Variants in SETD1B observed in about 807,000 individuals in gnomAD.
SETD1B encodes the protein histone-lysine N-methyltransferase SETD1B.
SETD1B carries 7 observed loss-of-function variants against 148.0 expected under a neutral mutation model. The ratio of observed to expected loss-of-function variants is 0.05; its 90% CI spans 0.03 to 0.09. The LOEUF (loss-of-function observed/expected upper bound fraction) is 0.09, where lower values mean the gene tolerates loss of function less well. Ranked by LOEUF, SETD1B falls within the 10% of genes least tolerant of loss-of-function variation. SETD1B has a pLI of 1.00. For synonymous variants in SETD1B, 1,361 were observed against 1,186.5 expected (o/e 1.15, Z -3.02); for missense variants, 2,155 against 2,729.9 (o/e 0.79, Z 4.69).
At chr12:121,793,489 G>T in the SETD1B span, 5 of 1,540,962 alleles carry the variant, frequency 3.2e-6, no homozygotes, top group Admixed American at 9.8e-5. Flanking sequence ...CCCGCTGCGG[G>T]CCTCACCTCG....
Position 121,817,239 on chromosome 12 carries a change from A to G in SETD1B, c.2922A>G (p.Ser974=). Residue 974 remains serine (S), a synonymous_variant, in exon 8 of 17, where the codon TCA becomes TCG. Coordinates refer to ENST00000604567, the MANE Select transcript of SETD1B (RefSeq NM_001353345.2). The surrounding 1 kb of genome is among the most constrained non-coding windows in gnomAD (Gnocchi z 8.1). The part of the protein sequence containing the change: ...VKRKEPPDTT[S]SGDQKRLRPS... ...GGAAGGAGCCACCAGACACCACCTCATCTGGCGACCAGAAGCGGCTGCGGC... is the reference window on the plus strand; with the variant it reads ...GGAAGGAGCCACCAGACACCACCTCGTCTGGCGACCAGAAGCGGCTGCGGC... The G allele has an allele frequency of 6.4e-7, 1 of 1,551,040 alleles. No individual in the cohort carries two copies. The highest frequency in any genetic ancestry group is 8.7e-7 in the Non-Finnish European group (1 of 1,146,930).
At position 121,817,491 on chromosome 12, in the gene SETD1B, G is replaced by A; in HGVS notation, c.3099G>A (p.Gly1033=). The change falls in exon 9 of 17, where the codon GGG becomes GGA. Residue 1033 remains glycine (G), a synonymous_variant. Coordinates refer to ENST00000604567, the MANE Select transcript of SETD1B (RefSeq NM_001353345.2). This position sits in a 1 kb window ranked among gnomAD's most constrained non-coding sequence, Gnocchi z 8.1. ...GGCCTCTGGAGCTGGACAGTGGTGG[G>A]GAGGAGGACGAGAAGGAGTCATTGT... ...PARPLELDSG[G]EEDEKESLSA... 6.4e-7 allele frequency: 1 copy of A among 1,551,178 alleles called. No homozygotes were observed. Among genetic ancestry groups the A allele is most frequent in the South Asian group, 1.2e-5 (1 of 84,060 alleles).
intron 13 of SETD1B, among the ~76,000 whole-genome samples, chr12:121,827,205 G>A (rs982138279): frequency 3.3e-5 from 5 of 152,024 alleles, no homozygotes; most frequent in African/African-American, 1.2e-4. Context: ...GATTTTGAAC[G>A]CTTGTGGGGT....
Position 121,830,333 on chromosome 12 carries a change from C to T in SETD1B, c.*94C>T. 1 of 1,275,904 alleles carries T rather than the reference C, an allele frequency of 7.8e-7. No individual in the cohort carries two copies. Among genetic ancestry groups the T allele is most frequent in the East Asian group, 2.5e-5 (1 of 39,312 alleles). 79.0% of individuals were successfully genotyped at this position (1,275,904 alleles called of 1,614,324 possible). A position where few individuals can be genotyped will look rare whatever the true frequency, so the allele number is the denominator to read the frequency against. ...CGGGGCCCGGCCCCCCGCGCCCGCC[C>T]CCATTTCAGGTGCTGTCCTCTACCC... is the stretch of plus-strand genomic sequence containing the variant. On this transcript the variant is annotated 3_prime_UTR_variant, in exon 17 of 17. Coordinates refer to ENST00000604567, the MANE Select transcript of SETD1B (RefSeq NM_001353345.2). The surrounding 1 kb of genome is among the most constrained non-coding windows in gnomAD (Gnocchi z 5.7).
chr12:121,794,796 G>A, the SETD1B span, among the ~76,000 whole-genome samples: 11 of 152,196 alleles, frequency 7.2e-5, 1 homozygote, highest in East Asian at 1.7e-3. Context: ...CCCTGGAGCC[G>A]GTCCACGGCA....
Position 121,823,597 on chromosome 12 carries a change from C to G in SETD1B, c.5018C>G (p.Ser1673Trp). 6.4e-7 allele frequency: 1 copy of G among 1,551,486 alleles called. No individual in the cohort carries two copies. The highest frequency in any genetic ancestry group is 8.7e-7 in the Non-Finnish European group (1 of 1,146,996). Residue 1673 changes from serine to tryptophan, a missense_variant, in exon 12 of 17, where the codon TCG (serine) becomes TGG (tryptophan). By Grantham distance (177) the Ser-to-Trp change is radical. This residue lies in a region of SETD1B where 862 missense variants were observed against 873.8 expected (regional missense o/e 0.99). Coordinates refer to ENST00000604567, the MANE Select transcript of SETD1B (RefSeq NM_001353345.2). ...CCCCAGCCCCTCTTCCGGCCCCGCTCGGAGTTTGAGGAGATGACCATCCTG... is the reference window on the plus strand; with the variant it reads ...CCCCAGCCCCTCTTCCGGCCCCGCTGGGAGTTTGAGGAGATGACCATCCTG... ...SPPQPLFRPR[S>W]EFEEMTILYD...
At position 121,830,359 on chromosome 12, in the gene SETD1B, A is replaced by G; in HGVS notation, c.*120A>G. The G allele has an allele frequency of 9.9e-7, 1 of 1,012,934 alleles. No homozygotes were observed. Among genetic ancestry groups the G allele is most frequent in the Non-Finnish European group, 1.4e-6 (1 of 715,650 alleles). 62.7% of individuals were successfully genotyped at this position (1,012,934 alleles called of 1,614,324 possible). A position where few individuals can be genotyped will look rare whatever the true frequency, so the allele number is the denominator to read the frequency against. On this transcript the variant is annotated 3_prime_UTR_variant, in exon 17 of 17. Transcript: ENST00000604567. This position sits in a 1 kb window ranked among gnomAD's most constrained non-coding sequence, Gnocchi z 5.7. ...CCATTTCAGGTGCTGTCCTCTACCC[A>G]GCGGCCATTCAGGGCCTGGCGCCCC...
In SETD1B at chr12:121,830,330, GC is replaced by G; in HGVS notation, c.*96del. The G allele has an allele frequency of 1.5e-6, 2 of 1,295,852 alleles. No individual in the cohort carries two copies. 80.3% of individuals were successfully genotyped at this position (1,295,852 alleles called of 1,614,324 possible). ...CCCCGGGGCCCGGCCCCCCGCGCCCGCCCCCATTTCAGGTGCTGTCCTCTAC... is the reference window on the plus strand; with the variant it reads ...CCCCGGGGCCCGGCCCCCCGCGCCCGCCCCATTTCAGGTGCTGTCCTCTAC... On this transcript the variant is annotated 3_prime_UTR_variant, in exon 17 of 17. Coordinates refer to ENST00000604567, the MANE Select transcript of SETD1B (RefSeq NM_001353345.2). This position sits in a 1 kb window ranked among gnomAD's most constrained non-coding sequence, Gnocchi z 5.7.
At chr12:121,811,447 G>A (rs1182701744) in intron 6 of SETD1B, among the ~76,000 whole-genome samples, 1 of 151,774 alleles carries the variant, frequency 6.6e-6, no homozygotes, top group Non-Finnish European at 1.5e-5. Flanking sequence ...GGGTGGGGGT[G>A]GGGTGCCATG....
rs978887912 is a variant in SETD1B at position 121,804,080 on chromosome 12, A to AGCGGCG, written c.-162_-157dup. On this transcript the variant is annotated 5_prime_UTR_variant, in exon 1 of 17. Coordinates refer to ENST00000604567, the MANE Select transcript of SETD1B (RefSeq NM_001353345.2). The surrounding 1 kb of genome is among the most constrained non-coding windows in gnomAD (Gnocchi z 4.6). ...CCGCCTCCCGGGCAGCAGCAGCAGC[A>AGCGGCG]GCGGCGGCGGCAGCGGCAGCAGCTC... The AGCGGCG allele has an allele frequency of 2.6e-5, 4 of 152,822 alleles. No individual in the cohort carries two copies. Among genetic ancestry groups the AGCGGCG allele is most frequent in the East Asian group, 1.9e-4 (1 of 5,186 alleles). The allele number at this position is 152,822 out of a possible 1,614,324, so 9.5% of individuals were successfully genotyped here. A position where few individuals can be genotyped will look rare whatever the true frequency, so the allele number is the denominator to read the frequency against.
intron 4 of SETD1B, among the ~76,000 whole-genome samples, chr12:121,807,674 A>G (rs950550057): frequency 6.6e-6 from 1 of 152,156 alleles, no homozygotes; most frequent in African/African-American, 2.4e-5. Flanking sequence ...TTCAAGCCCA[A>G]GGTAGTCCCC....
At chr12:121,791,626 C>T in the SETD1B span, among the ~76,000 whole-genome samples, 1 of 152,210 alleles carries the variant, frequency 6.6e-6, no homozygotes, top group Non-Finnish European at 1.5e-5. Flanking sequence ...TTGCAGCTTT[C>T]CAGAATCTCC....
chr12:121,798,855 C>T, the SETD1B span, among the ~76,000 whole-genome samples: 4 of 152,338 alleles, frequency 2.6e-5, no homozygotes, highest in East Asian at 7.7e-4. Context: ...TTCTTAGACA[C>T]TGAGATGGGA....
upstream of SETD1B, chr12:121,803,605 C>T (rs1019500016): frequency 2.6e-5 from 4 of 152,230 alleles, no homozygotes; most frequent in Admixed American, 2.6e-4. This position sits in a 1 kb window ranked among gnomAD's most constrained non-coding sequence, Gnocchi z 4.7. Context: ...CTCGGCCCCC[C>T]AGACCCCAGC....
the SETD1B span, chr12:121,794,273 G>C: frequency 6.6e-6 from 1 of 152,352 alleles, no homozygotes; most frequent in South Asian, 2.1e-4. Context: ...GCGGGTTCGG[G>C]GTGAGGGACT....
chr12:121,823,529 T>C lies in SETD1B; in HGVS notation c.4950T>C (p.His1650=). The part of the protein sequence containing the change: ...GPWRRPPKKR[H]EDLVPPAGSP... ...GGCGCCGGCCACCTAAGAAGCGCCA[T>C]GAGGACCTGGTGCCACCTGCGGGCT... Residue 1650 remains histidine (H), a synonymous_variant, in exon 12 of 17, where the codon CAT becomes CAC. Transcript: ENST00000604567. 1 of 1,551,014 alleles carries C rather than the reference T, an allele frequency of 6.4e-7. No individual in the cohort carries two copies. The highest frequency in any genetic ancestry group is 8.7e-7 in the Non-Finnish European group (1 of 1,146,880).
intron 10 of SETD1B, among the ~76,000 whole-genome samples, chr12:121,818,984 C>T (rs780110658): frequency 6.6e-6 from 1 of 152,068 alleles, no homozygotes; most frequent in Non-Finnish European, 1.5e-5. Flanking sequence ...GTGGCTCACT[C>T]CTTTAATCCC....
chr12:121,831,035 T>C lies in SETD1B; in HGVS notation c.*796T>C, dbSNP rs1308256854. The C allele has an allele frequency of 1.3e-5, 2 of 152,314 alleles. No individual in the cohort carries two copies. Among genetic ancestry groups the C allele is most frequent in the Non-Finnish European group, 2.9e-5 (2 of 68,150 alleles). 9.4% of individuals were successfully genotyped at this position (152,314 alleles called of 1,614,324 possible). On this transcript the variant is annotated 3_prime_UTR_variant, in exon 17 of 17. Coordinates refer to ENST00000604567, the MANE Select transcript of SETD1B (RefSeq NM_001353345.2). ...CCTAAACCTTGGGTTCAATGTTTAC[T>C]TTCTCATTCGGATGCCAGCAACGCG... is the stretch of plus-strand genomic sequence containing the variant.
Position 121,822,843 on chromosome 12 carries a change from C to T in SETD1B, c.4264C>T (p.Leu1422Phe), listed in dbSNP as rs753313502. 1.3e-6 allele frequency: 2 copies of T among 1,488,324 alleles called. No homozygotes were observed. The highest frequency in any genetic ancestry group is 9.0e-7 in the Non-Finnish European group (1 of 1,113,942). 92.2% of individuals were successfully genotyped at this position (1,488,324 alleles called of 1,614,324 possible). ...APSPSLSSGGLPRTPGRDFSF... is the reference protein window; with the variant it reads ...APSPSLSSGGFPRTPGRDFSF... ...GTCCCCTAGCTTGAGCAGTGGGGGC[C>T]TCCCTCGGACACCTGGCCGGGACTT... The change falls in exon 12 of 17, where the codon CTC becomes TTC. Residue 1422 changes from leucine (L) to phenylalanine (F), a missense_variant. Physicochemically the swap from Leu to Phe is conservative, Grantham distance 22. Around this residue, in one of 11 missense-constraint regions of SETD1B, gnomAD observed 862 missense variants for 873.8 expected, o/e 0.99. Transcript: ENST00000604567.
Sources: allele counts gnomAD v4.1 joint callset (sites outside exome capture counted in the v4.1 genomes callset), GRCh38; gene constraint gnomAD v4.1.1; regional missense constraint gnomAD v4.1.1; non-coding constraint Gnocchi (gnomAD v3.1); transcripts MANE v1.5; gene names NCBI Gene and HGNC (gene_info 2026-07-23, HGNC 2026-07-21).